MTFR1: variants seen among roughly 807,000 people sequenced by gnomAD.
The protein encoded by MTFR1 is chondrocyte protein with a poly-proline region.
MTFR1 carries 28 observed loss-of-function variants against 38.8 expected under a neutral mutation model. The observed-to-expected ratio is 0.72, with a 90% CI of 0.53 to 0.99. MTFR1 has a LOEUF of 0.99. Ranked by LOEUF, MTFR1 falls within the 50% of genes least tolerant of loss-of-function variation. MTFR1 has a pLI of 0.00. For missense variants in MTFR1, 358 were observed against 395.5 expected (o/e 0.91, Z 0.81); for synonymous variants, 145 against 137.0 (o/e 1.06, Z -0.41).
At chr8:65,761,120 C>T (rs1047661652) in intron 3 of MTFR1, among the ~76,000 whole-genome samples, 1 of 151,264 alleles carries the variant, frequency 6.6e-6, no homozygotes, top group African/African-American at 2.4e-5. Context: ...AGTGCAGTGG[C>T]GCAATCTCAG....
At position 65,709,199 on chromosome 8, in the gene MTFR1, T is replaced by A; in HGVS notation, c.*155T>A. ...GTGGATTAAGCAATAATGAAAGCAC[T>A]AAGTTTGGTTTTGCTTTTGTGAGAT... is the stretch of plus-strand genomic sequence containing the variant. On this transcript the variant is annotated 3_prime_UTR_variant, in exon 8 of 8. Coordinates refer to ENST00000262146, the MANE Select transcript of MTFR1 (RefSeq NM_014637.4). The A allele has an allele frequency of 1.5e-6, 1 of 685,998 alleles. No individual in the cohort carries two copies. The highest frequency in any genetic ancestry group is 2.5e-6 in the Non-Finnish European group (1 of 403,594). The allele number at this position is 685,998 out of a possible 1,614,324, so 42.5% of individuals were successfully genotyped here.
intron 3 of MTFR1, among the ~76,000 whole-genome samples, chr8:65,754,421 T>C (rs1186315149): frequency 2.0e-5 from 3 of 151,836 alleles, no homozygotes; most frequent in Admixed American, 2.0e-4. Flanking sequence ...TTCTTTTACT[T>C]TCAACCTCTT....
chr8:65,695,354 T>G lies in MTFR1; in HGVS notation c.281+1595T>G, dbSNP rs79250913. Reference sequence around the variant, plus strand: ...TATAAGGATGGTGAAACAATTTTTTTTTTTGTTTTGTTTTTGAGATGGAGC... The same window carrying G: ...TATAAGGATGGTGAAACAATTTTTTGTTTTGTTTTGTTTTTGAGATGGAGC... On this transcript the variant is annotated intron_variant, in intron 4 of 7. Coordinates refer to ENST00000262146, the MANE Select transcript of MTFR1 (RefSeq NM_014637.4). Among the ~76,000 whole-genome samples, 645 of 152,132 alleles carry G rather than the reference T, an allele frequency of 4.2e-3. 3 individuals carry two copies. Among genetic ancestry groups the G allele is most frequent in the Non-Finnish European group, 5.4e-3 (368 of 67,956 alleles).
intron 3 of MTFR1, among the ~76,000 whole-genome samples, chr8:65,768,981 C>G (rs571659630): frequency 1.1e-4 from 17 of 152,274 alleles, no homozygotes; most frequent in Non-Finnish European, 1.5e-4. Context: ...GGCGAGGTGG[C>G]TCACACCTGT....
intron 3 of MTFR1, among the ~76,000 whole-genome samples, chr8:65,749,965 G>GTTA (rs1807857965): frequency 6.6e-6 from 1 of 152,184 alleles, no homozygotes; most frequent in Non-Finnish European, 1.5e-5. Flanking sequence ...GTATATAACG[G>GTTA]ACTCTTCTAA....
chr8:65,682,893 G>A (rs1804945663), intron 3 of MTFR1: 2 of 985,212 alleles, frequency 2.0e-6, no homozygotes, highest in Admixed American at 6.2e-5. Flanking sequence ...TTCAAGATCA[G>A]CATTAATTAT....
At chr8:65,658,302 G>A (rs926176920) in intron 1 of MTFR1, among the ~76,000 whole-genome samples, 4 of 152,098 alleles carry the variant, frequency 2.6e-5, no homozygotes, top group South Asian at 4.1e-4. Context: ...AACTACTGCT[G>A]ATAACTTTTT....
At chr8:65,731,491 GAAACT>G (rs1321271052) in intron 3 of MTFR1, 1 of 152,160 alleles carries the variant, frequency 6.6e-6, no homozygotes, top group Non-Finnish European at 1.5e-5. Context: ...ATAGAAACAT[GAAACT>G]AAACATTAAA....
At chr8:65,667,116 A>G (rs1804403616) in intron 1 of MTFR1, among the ~76,000 whole-genome samples, 1 of 152,070 alleles carries the variant, frequency 6.6e-6, no homozygotes, top group African/African-American at 2.4e-5. Flanking sequence ...TGTCTCTACT[A>G]AAATACAAAA....
In MTFR1 at chr8:65,704,808, C is replaced by A. The variant is rs1375616899; in HGVS notation, c.396C>A (p.Thr132=). Residue 132 remains threonine (T), a synonymous_variant, in exon 5 of 8, where the codon ACC becomes ACA. Transcript: ENST00000262146. ...CTCAAGAAGAGCCTCAGCTGAAGAC[C>A]CCAGCGCTGGCAAATGAGGAAGCAC... ...DLSQEEPQLK[T]PALANEEALQ... is the part of the protein sequence containing the mutation. The A allele has an allele frequency of 2.5e-6, 4 of 1,614,054 alleles. No homozygotes were observed. The South Asian group carries it at 4.4e-5, about 18-fold the overall frequency.
intron 3 of MTFR1, chr8:65,682,886 A>G: frequency 1.0e-6 from 1 of 985,388 alleles, no homozygotes; most frequent in Non-Finnish European, 1.2e-6. Flanking sequence ...CATTGGTTTC[A>G]AGATCAGCAT....
chr8:65,730,279 TAA>T (rs1477938258), intron 3 of MTFR1, among the ~76,000 whole-genome samples: 1 of 140,614 alleles, frequency 7.1e-6, no homozygotes, highest in Admixed American at 7.7e-5. Context: ...CTCCCGGGTT[TAA>T]GTGATTCTTC....
chr8:65,771,921 G>C (rs1809106452), downstream of MTFR1, among the ~76,000 whole-genome samples: 1 of 140,338 alleles, frequency 7.1e-6, no homozygotes, highest in East Asian at 2.0e-4. Flanking sequence ...GAAGAAGAAA[G>C]AAGGAAATAT....
chr8:65,737,031 T>C (rs903408793), intron 3 of MTFR1, among the ~76,000 whole-genome samples: 3 of 150,306 alleles, frequency 2.0e-5, no homozygotes, highest in African/African-American at 4.9e-5. Flanking sequence ...TGGCTGGAGC[T>C]TGGGAAGTTG....
intron 3 of MTFR1, chr8:65,723,596 C>A: frequency 6.4e-7 from 1 of 1,574,690 alleles, no homozygotes; most frequent in Non-Finnish European, 8.6e-7. Flanking sequence ...GACTCACACC[C>A]AAATGATATT....
chr8:65,764,562 A>C (rs1393620001), intron 3 of MTFR1, among the ~76,000 whole-genome samples: 2 of 152,230 alleles, frequency 1.3e-5, no homozygotes, highest in Non-Finnish European at 2.9e-5. Flanking sequence ...TGCTGAGCAA[A>C]CTATTTGTAC....
intron 1 of MTFR1, among the ~76,000 whole-genome samples, chr8:65,669,613 G>A (rs1267099121): frequency 1.3e-5 from 2 of 151,222 alleles, no homozygotes; most frequent in Admixed American, 6.6e-5. Flanking sequence ...GTACAATGGC[G>A]CGATCTTGGC....
chr8:65,769,963 A>T (rs1328526292), intron 3 of MTFR1, among the ~76,000 whole-genome samples: 1 of 152,108 alleles, frequency 6.6e-6, no homozygotes, highest in East Asian at 1.9e-4. Context: ...CGTGATTTTT[A>T]ATTAGGTGAA....
At chr8:65,679,145 ACTGT>A (rs1804804921) in intron 2 of MTFR1, among the ~76,000 whole-genome samples, 1 of 152,202 alleles carries the variant, frequency 6.6e-6, no homozygotes, top group South Asian at 2.1e-4. Flanking sequence ...TTCACTTTAG[ACTGT>A]CTAATTGTCA....
Sources: gnomAD v4.1 joint callset for allele counts (sites outside exome capture counted in the v4.1 genomes callset) on GRCh38, gnomAD v4.1.1 for gene constraint, MANE v1.5 for transcripts, NCBI Gene and HGNC (gene_info 2026-07-23, HGNC 2026-07-21) for gene names.